The following PDE1C variants were observed in gnomAD, a reference collection of about 807,000 sequenced individuals.
The protein encoded by PDE1C is phosphodiesterase 1C, also known as dual specificity calcium/calmodulin-dependent 3',5'-cyclic nucleotide phosphodiesterase 1C.
PDE1C carries 62 observed loss-of-function variants against 93.1 expected under a neutral mutation model. The ratio of observed to expected loss-of-function variants is 0.67; its 90% CI spans 0.54 to 0.82. The LOEUF is 0.82. Among genes scored for constraint, PDE1C ranks in the 40% least tolerant of loss-of-function variants. The probability of loss-of-function intolerance (pLI) is 0.00; values close to 1 mark genes in which losing one functional copy is unlikely to be tolerated. For synonymous variants in PDE1C, 325 were observed against 310.1 expected (o/e 1.05, Z -0.50); for missense variants, 742 against 884.6 (o/e 0.84, Z 2.04).
chr7:31,977,171 G>A (rs1811776106), intron 2 of PDE1C, among the ~76,000 whole-genome samples: 1 of 152,138 alleles, frequency 6.6e-6, no homozygotes, highest in East Asian at 1.9e-4. Flanking sequence ...TTTGGAGGTG[G>A]GGCCTTTGGG....
At chr7:32,303,962 C>T (rs1304498266), upstream of PDE1C, among the ~76,000 whole-genome samples, 1 of 152,086 alleles carries the variant, frequency 6.6e-6, no homozygotes, top group Non-Finnish European at 1.5e-5. Context: ...TTATCATAGC[C>T]TTTGAAGTTA....
chr7:31,774,174 C>T (rs73314978), intron 17 of PDE1C, among the ~76,000 whole-genome samples: 2,598 of 152,190 alleles, frequency 0.017, 64 homozygotes, highest in African/African-American at 0.06. Context: ...AATTTTCACA[C>T]ACCATTGACT....
intron 12 of PDE1C, 139 bp from the exon 13 acceptor site, chr7:31,825,126 G>A: frequency 9.3e-7 from 1 of 1,079,870 alleles, no homozygotes. Flanking sequence ...TGTATTCCTT[G>A]ATTTGAATAT....
At chr7:32,390,197 A>C (rs977678248) in intron 1 of PDE1C, among the ~76,000 whole-genome samples, 3 of 152,226 alleles carry the variant, frequency 2.0e-5, no homozygotes, top group Admixed American at 2.0e-4. Flanking sequence ...CATATACAGA[A>C]TAATAAAAAG....
Position 31,861,555 on chromosome 7 carries a change from AC to A in PDE1C, c.750+3386del, listed in dbSNP as rs563008604. Among the ~76,000 whole-genome samples the A allele has an allele frequency of 2.7e-3, 403 of 152,068 alleles. 1 individual carries two copies. Among genetic ancestry groups the A allele is most frequent in the Non-Finnish European group, 4.1e-3 (277 of 67,990 alleles). ...AATTCTTGATCCCCTTTCCTCCAAA[AC>A]TTGGTTTGCCACCAGGCATTCTTGT... On this transcript the variant is annotated intron_variant, in intron 7 of 17. Transcript: ENST00000396191.
At chr7:31,766,620 A>G (rs1390970199) in intron 17 of PDE1C, among the ~76,000 whole-genome samples, 1 of 152,234 alleles carries the variant, frequency 6.6e-6, no homozygotes, top group Non-Finnish European at 1.5e-5. Flanking sequence ...TTTGGTATTT[A>G]TCATTGCTGC....
chr7:31,648,390 TA>T, the PDE1C span, among the ~76,000 whole-genome samples: 4 of 152,184 alleles, frequency 2.6e-5, no homozygotes, highest in Non-Finnish European at 5.9e-5. Context: ...GGTTTTTATT[TA>T]TTTTTTTTCT....
chr7:32,063,344 C>A (rs373158966), intron 1 of PDE1C, among the ~76,000 whole-genome samples: 7 of 152,152 alleles, frequency 4.6e-5, no homozygotes, highest in African/African-American at 1.7e-4. Context: ...GAGATAGGTC[C>A]TATAAACACT....
the PDE1C span, among the ~76,000 whole-genome samples, chr7:31,680,312 G>A: frequency 1.3e-5 from 2 of 152,028 alleles, no homozygotes; most frequent in East Asian, 3.9e-4. Flanking sequence ...TAAATGATGA[G>A]TCAGATCTAC....
At chr7:31,772,658 G>C (rs1189890051) in intron 17 of PDE1C, among the ~76,000 whole-genome samples, 1 of 152,098 alleles carries the variant, frequency 6.6e-6, no homozygotes, top group Non-Finnish European at 1.5e-5. Context: ...CAACCATCTT[G>C]ACCGGAATTC....
chr7:31,947,493 A>G (rs1806777193), intron 2 of PDE1C, among the ~76,000 whole-genome samples: 1 of 152,174 alleles, frequency 6.6e-6, no homozygotes, highest in Admixed American at 6.5e-5. Flanking sequence ...TTTGGGGCCA[A>G]GTTAGGCTGG....
At chr7:31,953,408 C>T (rs1807683431) in intron 2 of PDE1C, among the ~76,000 whole-genome samples, 1 of 152,150 alleles carries the variant, frequency 6.6e-6, no homozygotes, top group African/African-American at 2.4e-5. Flanking sequence ...AAATATTTGC[C>T]TCCCTATGTA....
intron 2 of PDE1C, among the ~76,000 whole-genome samples, chr7:32,014,779 C>T (rs1036662369): frequency 2.6e-5 from 4 of 152,118 alleles, no homozygotes; most frequent in Non-Finnish European, 4.4e-5. Context: ...GTCTTTTTAA[C>T]GCTAATTGGA....
At chr7:32,219,421 C>G (rs1806672727) in intron 1 of PDE1C, among the ~76,000 whole-genome samples, 1 of 152,220 alleles carries the variant, frequency 6.6e-6, no homozygotes, top group South Asian at 2.1e-4. Flanking sequence ...GGCTAGCACT[C>G]AGATCTTTCT....
At chr7:31,930,948 A>G (rs993116639) in intron 2 of PDE1C, among the ~76,000 whole-genome samples, 15 of 151,978 alleles carry the variant, frequency 9.9e-5, no homozygotes, top group African/African-American at 3.6e-4. Context: ...AAATCAATAA[A>G]CGTAATCCAT....
At chr7:32,365,697 G>T (rs1407728308) in intron 1 of PDE1C, among the ~76,000 whole-genome samples, 1 of 152,048 alleles carries the variant, frequency 6.6e-6, no homozygotes, top group Non-Finnish European at 1.5e-5. Context: ...CCCGACCCCA[G>T]CCTCAAGATG....
At chr7:32,417,446 T>C (rs888084130) in intron 1 of PDE1C, among the ~76,000 whole-genome samples, 1 of 152,142 alleles carries the variant, frequency 6.6e-6, no homozygotes, top group African/African-American at 2.4e-5. Context: ...CATTAAACCC[T>C]TAAACTCACA....
chr7:32,085,758 T>G (rs970218369), intron 3 of PDE1C, among the ~76,000 whole-genome samples: 246 of 151,424 alleles, frequency 1.6e-3, no homozygotes, highest in Admixed American at 3.0e-3. Flanking sequence ...AAAACCACAT[T>G]ATTATCTCAA....
the PDE1C span, among the ~76,000 whole-genome samples, chr7:31,681,652 C>T: frequency 1.3e-5 from 2 of 152,110 alleles, no homozygotes; most frequent in Non-Finnish European, 2.9e-5. Context: ...AAGATCCATG[C>T]TGTCTGTTTT....
Sources: gnomAD v4.1 joint callset for allele counts (sites outside exome capture counted in the v4.1 genomes callset) on GRCh38, gnomAD v4.1.1 for gene constraint, MANE v1.5 for transcripts, NCBI Gene and HGNC (gene_info 2026-07-23, HGNC 2026-07-21) for gene names.